Variants in CSMD1 observed in about 807,000 individuals in gnomAD.
CSMD1 encodes CUB and Sushi multiple domains 1.
CSMD1 carries 213 observed loss-of-function variants against 417.5 expected under a neutral mutation model. That is an observed-to-expected ratio of 0.51 (90% CI 0.46 to 0.57). The LOEUF is 0.57. Ranked by LOEUF, CSMD1 falls within the 20% of genes least tolerant of loss-of-function variation. The probability of loss-of-function intolerance (pLI) is 0.00; values close to 1 mark genes in which losing one functional copy is unlikely to be tolerated. For synonymous variants in CSMD1, 2,862 were observed against 1,736.8 expected, an observed-to-expected ratio of 1.65 and a Z score of -16.11; for missense variants, 6,923 against 4,529.7, an observed-to-expected ratio of 1.53 and a Z score of -15.17.
At chr8:3,022,339 C>CGGAATGCACCCGCAATCCCACAGCATCA in intron 51 of CSMD1, among the ~76,000 whole-genome samples, 1 of 150,646 alleles carries the variant, frequency 6.6e-6, no homozygotes, top group African/African-American at 2.4e-5. Context: ...CCACAGCATC[C>CGGAATGCACCCGCAATCCCACAGCATCA]GGAATGCACC....
At chr8:3,538,928 G>A (rs1334292134) in intron 10 of CSMD1, among the ~76,000 whole-genome samples, 5 of 152,174 alleles carry the variant, frequency 3.3e-5, no homozygotes, top group African/African-American at 1.2e-4. Context: ...AGCCGCCAGA[G>A]CAACGTTTGT....
chr8:3,599,047 C>G (rs555701171), intron 8 of CSMD1, among the ~76,000 whole-genome samples: 1 of 152,132 alleles, frequency 6.6e-6, no homozygotes, highest in East Asian at 1.9e-4. Flanking sequence ...CAACAATGCA[C>G]TCCAGCCTGG....
intron 3 of CSMD1, among the ~76,000 whole-genome samples, chr8:4,305,779 T>A (rs1030707025): frequency 1.3e-5 from 2 of 152,096 alleles, no homozygotes; most frequent in African/African-American, 4.8e-5. Context: ...AAATTTCACT[T>A]CACAAAAGTG....
chr8:4,332,547 TCACATACACACACACACACACACACA>T (rs1563064702), intron 3 of CSMD1, among the ~76,000 whole-genome samples: 2 of 111,538 alleles, frequency 1.8e-5, no homozygotes, highest in African/African-American at 3.2e-5. Context: ...TGTCATGATA[TCACATACACACACACACACACACACA>T]CACACACACA....
intron 54 of CSMD1, among the ~76,000 whole-genome samples, chr8:2,987,368 TAAG>T (rs1161385308): frequency 1.3e-5 from 2 of 149,202 alleles, no homozygotes; most frequent in Non-Finnish European, 3.0e-5. Flanking sequence ...TATATATAAA[TAAG>T]AAATATATAA....
At chr8:4,016,663 T>C (rs1248327281) in intron 4 of CSMD1, among the ~76,000 whole-genome samples, 1 of 152,214 alleles carries the variant, frequency 6.6e-6, no homozygotes, top group Admixed American at 6.5e-5. Flanking sequence ...TTTGTCTTAC[T>C]CTGTAAAGCA....
chr8:4,453,177 A>G (rs1436925060), intron 2 of CSMD1, among the ~76,000 whole-genome samples: 3 of 150,338 alleles, frequency 2.0e-5, no homozygotes, highest in African/African-American at 7.4e-5. Flanking sequence ...TCCCCCCTCC[A>G]TCCCAACACA....
At chr8:3,661,779 G>A (rs977352518) in intron 7 of CSMD1, among the ~76,000 whole-genome samples, 1 of 152,042 alleles carries the variant, frequency 6.6e-6, no homozygotes, top group Non-Finnish European at 1.5e-5. Context: ...TGACAGGCCT[G>A]AGCCACCATG....
intron 46 of CSMD1, among the ~76,000 whole-genome samples, chr8:3,104,340 G>C (rs1027390879): frequency 1.3e-5 from 2 of 152,072 alleles, no homozygotes; most frequent in Admixed American, 6.6e-5. Flanking sequence ...CAGTGACTTG[G>C]ATCTCCTGAC....
intron 5 of CSMD1, among the ~76,000 whole-genome samples, chr8:3,971,892 G>T (rs955096980): frequency 6.6e-6 from 1 of 151,968 alleles, no homozygotes; most frequent in African/African-American, 2.4e-5. Flanking sequence ...TGATTTTTTT[G>T]TTGACTTTTT....
At chr8:3,610,894 G>C (rs534400997) in intron 8 of CSMD1, among the ~76,000 whole-genome samples, 1 of 152,084 alleles carries the variant, frequency 6.6e-6, no homozygotes, top group Non-Finnish European at 1.5e-5. Context: ...TCCATTGACA[G>C]TGCAGAAACA....
intron 2 of CSMD1, among the ~76,000 whole-genome samples, chr8:4,508,103 A>C (rs534663830): frequency 1.6e-4 from 24 of 148,536 alleles, no homozygotes; most frequent in South Asian, 4.2e-4. Flanking sequence ...AAAAAAAAAA[A>C]CCCCAAAAAA....
At chr8:3,961,617 T>C (rs1003154177) in intron 5 of CSMD1, among the ~76,000 whole-genome samples, 4 of 152,192 alleles carry the variant, frequency 2.6e-5, no homozygotes, top group Admixed American at 1.3e-4. Flanking sequence ...GCACCATTTG[T>C]AACACAAAAT....
At chr8:4,162,515 G>T (rs1413258872) in intron 3 of CSMD1, among the ~76,000 whole-genome samples, 3 of 152,032 alleles carry the variant, frequency 2.0e-5, no homozygotes, top group East Asian at 1.9e-4. Context: ...AATCTAACTT[G>T]CCAGAATATT....
intron 3 of CSMD1, among the ~76,000 whole-genome samples, chr8:4,405,096 A>C (rs1254364599): frequency 6.6e-6 from 1 of 152,194 alleles, no homozygotes; most frequent in Non-Finnish European, 1.5e-5. Context: ...CAGCGTTCAG[A>C]AGAGATTTTC....
chr8:4,445,511 C>T (rs1424641937), intron 2 of CSMD1, among the ~76,000 whole-genome samples: 1 of 152,136 alleles, frequency 6.6e-6, no homozygotes. Flanking sequence ...CAATTTTATA[C>T]TTCATTGGTT....
chr8:4,150,805 AG>A (rs1796529477), intron 3 of CSMD1, among the ~76,000 whole-genome samples: 1 of 152,184 alleles, frequency 6.6e-6, no homozygotes, highest in South Asian at 2.1e-4. Context: ...GCACTTGCAG[AG>A]GTGTTGGGAG....
chr8:3,768,385 G>T (rs981294256), intron 5 of CSMD1, among the ~76,000 whole-genome samples: 1 of 152,124 alleles, frequency 6.6e-6, no homozygotes, highest in South Asian at 2.1e-4. Flanking sequence ...AGCCTTTAAG[G>T]AGTAACATTC....
chr8:3,517,669 C>A (rs1296192706), intron 10 of CSMD1, among the ~76,000 whole-genome samples: 1 of 152,104 alleles, frequency 6.6e-6, no homozygotes. Flanking sequence ...GTCTAGCTAA[C>A]ACAATTTTTC....
Sources: allele counts gnomAD v4.1 joint callset (sites outside exome capture counted in the v4.1 genomes callset), GRCh38; gene constraint gnomAD v4.1.1; transcripts MANE v1.5; gene names NCBI Gene and HGNC (gene_info 2026-07-23, HGNC 2026-07-21).